The following SETBP1 variants were observed in gnomAD, a reference collection of about 807,000 sequenced individuals.
The protein encoded by SETBP1 is SET-binding protein.
In SETBP1, 9 loss-of-function variants were observed where a neutral mutation model predicts 101.0. The ratio of observed to expected loss-of-function variants is 0.09; its 90% CI spans 0.05 to 0.16. The LOEUF is 0.16. Ranked by LOEUF, SETBP1 falls within the 10% of genes least tolerant of loss-of-function variation. The pLI, the probability that SETBP1 is intolerant of heterozygous loss-of-function variation, is 1.00. For missense variants in SETBP1, 1,858 were observed against 2,033.8 expected, an observed-to-expected ratio of 0.91 and a Z score of 1.66; for synonymous variants, 818 against 788.5, an observed-to-expected ratio of 1.04 and a Z score of -0.63.
intron 4 of SETBP1, among the ~76,000 whole-genome samples, chr18:44,973,781 G>A (rs561570516): frequency 6.6e-5 from 10 of 152,290 alleles, no homozygotes; most frequent in Admixed American, 2.0e-4. Flanking sequence ...AGGGATAGCC[G>A]CGGTAAGTGG....
intron 3 of SETBP1, chr18:44,876,643 C>T: frequency 6.4e-7 from 1 of 1,551,626 alleles, no homozygotes; most frequent in Non-Finnish European, 8.7e-7. Context: ...ATTCCTGTCC[C>T]AGGAACGTGC....
At chr18:44,912,202 G>A (rs1347288673) in intron 3 of SETBP1, among the ~76,000 whole-genome samples, 28 of 152,044 alleles carry the variant, frequency 1.8e-4, no homozygotes, top group Admixed American at 1.8e-3. Context: ...GTTGGGTTTT[G>A]ACTCGACTAA....
intron 2 of SETBP1, among the ~76,000 whole-genome samples, chr18:44,868,712 GAGGAAGGA>G (rs67399583): frequency 0.2 from 5,548 of 27,600 alleles, 435 homozygotes; most frequent in Middle Eastern, 0.32. Context: ...GGAAGGAAGG[GAGGAAGGA>G]AGGAAGGAAG....
chr18:44,710,003 C>A (rs961093387), intron 2 of SETBP1, among the ~76,000 whole-genome samples: 1 of 151,940 alleles, frequency 6.6e-6, no homozygotes, highest in African/African-American at 2.4e-5. Flanking sequence ...GTTCAGCTGG[C>A]GGCTGCTACT....
At chr18:44,924,361 G>T (rs1456187527) in intron 3 of SETBP1, among the ~76,000 whole-genome samples, 1 of 152,160 alleles carries the variant, frequency 6.6e-6, no homozygotes, top group Non-Finnish European at 1.5e-5. Flanking sequence ...AGAAGAAATG[G>T]CTAGAGAGGG....
At chr18:44,712,387 T>A (rs2069366412) in intron 2 of SETBP1, among the ~76,000 whole-genome samples, 1 of 152,242 alleles carries the variant, frequency 6.6e-6, no homozygotes, top group African/African-American at 2.4e-5. Flanking sequence ...GACAGCCTTT[T>A]ATGCCAGGCC....
At chr18:45,046,942 T>C (rs2073625054) in intron 5 of SETBP1, among the ~76,000 whole-genome samples, 1 of 152,230 alleles carries the variant, frequency 6.6e-6, no homozygotes, top group African/African-American at 2.4e-5. Flanking sequence ...ACTTAGCTAA[T>C]TATTTTCTCT....
At chr18:44,821,322 C>T (rs1308309214) in intron 2 of SETBP1, among the ~76,000 whole-genome samples, 2 of 152,246 alleles carry the variant, frequency 1.3e-5, no homozygotes, top group African/African-American at 2.4e-5. Context: ...GCTGGTGCGT[C>T]TCTTTCCTTT....
chr18:44,771,379 G>A (rs1423018242), intron 2 of SETBP1, among the ~76,000 whole-genome samples: 1 of 144,236 alleles, frequency 6.9e-6, no homozygotes, highest in African/African-American at 2.6e-5. Context: ...ACTGAAAGAG[G>A]ACCCTCACCA....
chr18:45,055,061 A>G (rs1334157811), intron 5 of SETBP1, among the ~76,000 whole-genome samples: 1 of 152,222 alleles, frequency 6.6e-6, no homozygotes, highest in African/African-American at 2.4e-5. Context: ...CTAGCAGGAA[A>G]TATTAATCAA....
intron 3 of SETBP1, among the ~76,000 whole-genome samples, chr18:44,946,890 T>C (rs1288272055): frequency 2.0e-5 from 3 of 152,178 alleles, no homozygotes; most frequent in Non-Finnish European, 4.4e-5. Flanking sequence ...ACAGGAGGTA[T>C]ACAGAGAATA....
intron 2 of SETBP1, among the ~76,000 whole-genome samples, chr18:44,795,447 G>A (rs924194932): frequency 2.1e-4 from 32 of 152,250 alleles, no homozygotes; most frequent in African/African-American, 6.5e-4. Flanking sequence ...GTGATTGAGC[G>A]GTTTTAGATC....
chr18:44,850,125 G>C (rs1041219748), intron 2 of SETBP1, among the ~76,000 whole-genome samples: 1 of 152,126 alleles, frequency 6.6e-6, no homozygotes, highest in Non-Finnish European at 1.5e-5. Context: ...GATCTGGAAT[G>C]TTTCTTTAGC....
At chr18:44,687,220 C>T (rs1452523343) in intron 1 of SETBP1, among the ~76,000 whole-genome samples, 1 of 152,208 alleles carries the variant, frequency 6.6e-6, no homozygotes, top group Non-Finnish European at 1.5e-5. Flanking sequence ...GCTACATTGC[C>T]TTTCTACTGT....
At chr18:44,758,452 A>G (rs1401227502) in intron 2 of SETBP1, among the ~76,000 whole-genome samples, 3 of 150,314 alleles carry the variant, frequency 2.0e-5, no homozygotes, top group Admixed American at 6.6e-5. Context: ...GTGCGATCTC[A>G]GCTCACTGCA....
chr18:44,687,065 C>T (rs574634667), intron 1 of SETBP1, among the ~76,000 whole-genome samples: 25 of 152,304 alleles, frequency 1.6e-4, no homozygotes, highest in South Asian at 1.0e-3. Context: ...TGCTTTTCCG[C>T]TCTTCAGTGA....
At chr18:44,874,769 T>C (rs1387069961) in intron 3 of SETBP1, among the ~76,000 whole-genome samples, 3 of 152,092 alleles carry the variant, frequency 2.0e-5, no homozygotes, top group Admixed American at 1.3e-4. Flanking sequence ...TACTCAGAGA[T>C]CATCAGAGGA....
intron 4 of SETBP1, among the ~76,000 whole-genome samples, chr18:44,999,006 T>G (rs187108032): frequency 5.3e-5 from 8 of 152,190 alleles, no homozygotes; most frequent in Non-Finnish European, 1.0e-4. Context: ...AACCGTCTGG[T>G]TCTTATGTAA....
At chr18:44,905,718 C>G (rs745699144) in intron 3 of SETBP1, among the ~76,000 whole-genome samples, 1 of 152,238 alleles carries the variant, frequency 6.6e-6, no homozygotes, top group Non-Finnish European at 1.5e-5. Flanking sequence ...TTCAAGGACT[C>G]CTCATTACAG....
Sources: allele counts gnomAD v4.1 joint callset (sites outside exome capture counted in the v4.1 genomes callset), GRCh38; gene constraint gnomAD v4.1.1; transcripts MANE v1.5; gene names NCBI Gene and HGNC (gene_info 2026-07-23, HGNC 2026-07-21).